The following LNPEP variants were observed in gnomAD, a reference collection of about 807,000 sequenced individuals.
LNPEP encodes the protein leucyl-cystinyl aminopeptidase.
LNPEP carries 64 observed loss-of-function variants against 120.6 expected under a neutral mutation model. The observed-to-expected ratio is 0.53, with a 90% confidence interval of 0.43 to 0.65. The LOEUF (loss-of-function observed/expected upper bound fraction) is 0.65. Among genes scored for constraint, LNPEP ranks in the 30% least tolerant of loss-of-function variants. LNPEP has a pLI of 0.00. For missense variants in LNPEP, 1,057 were observed against 1,200.0 expected (o/e 0.88, Z 1.76); for synonymous variants, 435 against 425.4 (o/e 1.02, Z -0.28).
At chr5:97,026,596 T>G (rs781155797) in intron 15 of LNPEP, 21 bp from the exon 16 acceptor site, 1 of 1,599,574 alleles carries the variant, frequency 6.3e-7, no homozygotes, top group South Asian at 1.1e-5. Flanking sequence ...TTTTGGAGGC[T>G]AAATCTGCTT....
At chr5:96,974,999 G>A (rs1219966569) in intron 1 of LNPEP, among the ~76,000 whole-genome samples, 1 of 152,076 alleles carries the variant, frequency 6.6e-6, no homozygotes, top group African/African-American at 2.4e-5. Context: ...TATCTGCACA[G>A]GTGATTCGGA....
intron 2 of LNPEP, among the ~76,000 whole-genome samples, 158 bp downstream of exon 2, chr5:96,980,136 C>T (rs546581682): frequency 6.6e-6 from 1 of 151,552 alleles, no homozygotes; most frequent in South Asian, 2.1e-4. Context: ...AATATATTAT[C>T]TCTCTTAGTC....
intron 11 of LNPEP, among the ~76,000 whole-genome samples, chr5:97,009,123 T>G (rs1382574880): frequency 6.6e-6 from 1 of 152,154 alleles, no homozygotes; most frequent in Admixed American, 6.5e-5. Flanking sequence ...CCATACTGCC[T>G]CTTTAGGTCT....
In LNPEP at chr5:97,003,414, G is replaced by A; in HGVS notation, c.1654-1G>A. 6.7e-7 allele frequency: 1 copy of A among 1,499,920 alleles called. No homozygotes were observed. Among genetic ancestry groups the A allele is most frequent in the Non-Finnish European group, 9.0e-7 (1 of 1,107,760 alleles). The allele number at this position is 1,499,920 out of a possible 1,614,324, so 92.9% of individuals were successfully genotyped here. ...TTTTTCCTCACTTTTTTTTTTAATA[G>A]GGATCTTCTCTCTTGTTGATGTTGA... On this transcript the variant is annotated splice_acceptor_variant, in intron 8 of 17. Coordinates refer to ENST00000231368, the MANE Select transcript of LNPEP (RefSeq NM_005575.3). LOFTEE classifies it high-confidence loss of function.
At chr5:96,944,736 A>AT (rs1247275498) in intron 1 of LNPEP, among the ~76,000 whole-genome samples, 2 of 151,290 alleles carry the variant, frequency 1.3e-5, no homozygotes, top group Non-Finnish European at 2.9e-5. Context: ...CACCCAGCTA[A>AT]TTTTTGTGTT....
Position 96,996,408 on chromosome 5 carries a change from A to G in LNPEP, c.1426A>G (p.Thr476Ala), listed in dbSNP as rs779684633. Residue 476 changes from threonine to alanine, a missense_variant, in exon 7 of 18, where the codon ACA (threonine) becomes GCA (alanine). Coordinates refer to ENST00000231368, the MANE Select transcript of LNPEP (RefSeq NM_005575.3). The part of the protein sequence containing the change: ...LAHQWFGNLV[T>A]MKWWNDLWLN... ...CCCCCAGTGGTTTGGCAATCTGGTA[A>G]CAATGAAGTGGTGGAATGACCTATG... 1.9e-6 allele frequency: 3 copies of G among 1,608,324 alleles called. No homozygotes were observed. Among genetic ancestry groups the G allele is most frequent in the East Asian group, 2.2e-5 (1 of 44,772 alleles).
chr5:96,966,745 C>T (rs980410996), intron 1 of LNPEP, among the ~76,000 whole-genome samples: 22 of 151,990 alleles, frequency 1.4e-4, no homozygotes, highest in Admixed American at 7.9e-4. Context: ...TAATAAAGAG[C>T]TCATTGCTAT....
At chr5:97,007,240 G>T (rs1790808303) in intron 11 of LNPEP, among the ~76,000 whole-genome samples, 1 of 152,082 alleles carries the variant, frequency 6.6e-6, no homozygotes, top group South Asian at 2.1e-4. Context: ...TTTGAATTTG[G>T]ATCTGGTGTC....
chr5:97,010,342 T>C, intron 11 of LNPEP: 1 of 982,744 alleles, frequency 1.0e-6, no homozygotes, highest in Middle Eastern at 5.2e-4. Flanking sequence ...TAAAGATATG[T>C]CATTGGAAGA....
At position 97,029,932 on chromosome 5, in the gene LNPEP, C is replaced by T. The variant is rs1279789052; in HGVS notation, c.*1399C>T. ...TGATTCTTAGGAGAAAAGCTTTCTTCCTAATAATTCTTGAGAACTTTATAT... is the reference window on the plus strand; with the variant it reads ...TGATTCTTAGGAGAAAAGCTTTCTTTCTAATAATTCTTGAGAACTTTATAT... On this transcript the variant is annotated 3_prime_UTR_variant, in exon 18 of 18. Transcript: ENST00000231368. The T allele has an allele frequency of 2.0e-5, 3 of 151,964 alleles. No individual in the cohort carries two copies. Among genetic ancestry groups the T allele is most frequent in the Non-Finnish European group, 4.4e-5 (3 of 67,950 alleles). 9.4% of individuals were successfully genotyped at this position (151,964 alleles called of 1,614,324 possible). A position where few individuals can be genotyped will look rare whatever the true frequency, so the allele number is the denominator to read the frequency against.
At chr5:96,986,807 GC>G in intron 4 of LNPEP, 137 bp downstream of exon 4, 1 of 780,986 alleles carries the variant, frequency 1.3e-6, no homozygotes, top group East Asian at 2.7e-5. Flanking sequence ...TACCAGAAAT[GC>G]TACTTTTTTG....
intron 1 of LNPEP, among the ~76,000 whole-genome samples, chr5:96,959,957 G>C (rs1210569243): frequency 1.1e-4 from 4 of 36,218 alleles, no homozygotes; most frequent in Non-Finnish European, 2.2e-4. Context: ...TTTTTTTTTT[G>C]AGACCAAGTC....
intron 1 of LNPEP, among the ~76,000 whole-genome samples, chr5:96,950,218 A>G (rs986138580): frequency 2.0e-4 from 30 of 152,184 alleles, no homozygotes; most frequent in Admixed American, 2.0e-3. Flanking sequence ...AACATTAAAG[A>G]GTGAACCAAC....
chr5:96,954,028 A>G (rs1204400555), intron 1 of LNPEP, among the ~76,000 whole-genome samples: 1 of 152,234 alleles, frequency 6.6e-6, no homozygotes, highest in Non-Finnish European at 1.5e-5. Flanking sequence ...TATACTCTGT[A>G]TTAATCTGTC....
chr5:97,021,117 G>A (rs886884389), intron 13 of LNPEP, among the ~76,000 whole-genome samples: 1 of 152,182 alleles, frequency 6.6e-6, no homozygotes, highest in Non-Finnish European at 1.5e-5. Context: ...TTTCTTCAGT[G>A]TGATAAGGTA....
At chr5:97,024,950 A>G (rs1791305423) in intron 15 of LNPEP, among the ~76,000 whole-genome samples, 1 of 152,162 alleles carries the variant, frequency 6.6e-6, no homozygotes, top group South Asian at 2.1e-4. Context: ...TCCCCTTGGA[A>G]TGTTGTCTTA....
chr5:97,021,918 C>CTTTTTTTTTTTTTTTT (rs1561455270), intron 13 of LNPEP, among the ~76,000 whole-genome samples: 3 of 50,010 alleles, frequency 6.0e-5, no homozygotes, highest in South Asian at 5.5e-4. Flanking sequence ...TGTTTTTTGT[C>CTTTTTTTTTTTTTTTT]TTTTGTTTTT....
At chr5:96,945,216 G>T (rs889480495) in intron 1 of LNPEP, among the ~76,000 whole-genome samples, 1 of 150,818 alleles carries the variant, frequency 6.6e-6, no homozygotes, top group African/African-American at 2.4e-5. Context: ...GGGCAACATA[G>T]TGAGAGCCTG....
chr5:97,012,759 A>G (rs1327491865), intron 11 of LNPEP, among the ~76,000 whole-genome samples: 1 of 152,174 alleles, frequency 6.6e-6, no homozygotes, highest in African/African-American at 2.4e-5. Flanking sequence ...TCAGCGCTTC[A>G]TTATTGGTAC....
Sources: allele counts gnomAD v4.1 joint callset (sites outside exome capture counted in the v4.1 genomes callset), GRCh38; gene constraint gnomAD v4.1.1; transcripts MANE v1.5; gene names NCBI Gene and HGNC (gene_info 2026-07-23, HGNC 2026-07-21).